Variants in OR8D1 observed in about 807,000 individuals in gnomAD.
The protein encoded by OR8D1 is olfactory receptor 8D1.
For missense variants in OR8D1, 384 were observed against 366.8 expected, an observed-to-expected ratio of 1.05 and a Z score of -0.38; for synonymous variants, 143 against 147.0, an observed-to-expected ratio of 0.97 and a Z score of 0.20.
At position 124,305,573 on chromosome 11, in the gene OR8D1, T is replaced by A. The variant is rs1413194788; in HGVS notation, c.*4267A>T. 1 of 151,566 alleles carries A rather than the reference T, an allele frequency of 6.6e-6. No homozygotes were observed. Among genetic ancestry groups the A allele is most frequent in the Non-Finnish European group, 1.5e-5 (1 of 67,804 alleles). 9.4% of individuals were successfully genotyped at this position (151,566 alleles called of 1,614,324 possible). On this transcript the variant is annotated 3_prime_UTR_variant, in exon 3 of 3. Transcript: ENST00000641015. ...AAAAGCAAAAGGGGGCCTCCAGGAG[T>A]GATGCTAATATTCTATATCTTTACC...
chr11:124,310,473 C>T lies in OR8D1; in HGVS notation c.294G>A (p.Met98Ile). ...KKNTILYSEC[M>I]VQLFFFVVFV... The stretch of plus-strand genomic sequence containing the variant: ...AGACCACAAAGAAAAAGAGCTGGAC[C>T]ATGCACTCAGAGTAAAGGATTGTAT... Residue 98 changes from methionine (M) to isoleucine (I), a missense_variant, in exon 3 of 3, where the codon ATG (methionine) becomes ATA (isoleucine). Met to Ile is a conservative substitution (Grantham distance 10). Transcript: ENST00000641015. 6.2e-7 allele frequency: 1 copy of T among 1,613,730 alleles called. No individual in the cohort carries two copies. Among genetic ancestry groups the T allele is most frequent in the African/African-American group, 1.3e-5 (1 of 75,030 alleles).
Position 124,308,242 on chromosome 11 carries a change from A to G in OR8D1, c.*1598T>C, listed in dbSNP as rs181217418. 1 of 152,226 alleles carries G rather than the reference A, an allele frequency of 6.6e-6. No homozygotes were observed. Among genetic ancestry groups the G allele is most frequent in the Admixed American group, 6.6e-5 (1 of 15,258 alleles). 9.4% of individuals were successfully genotyped at this position (152,226 alleles called of 1,614,324 possible). On this transcript the variant is annotated 3_prime_UTR_variant, in exon 3 of 3. Transcript: ENST00000641015. ...AGAGAAGAGGACAGGTTAGAAAACT[A>G]TGTGGCACCAAATGATAATTTGAAG...
chr11:124,310,530 G>T lies in OR8D1; in HGVS notation c.237C>A (p.Pro79=). Reference sequence around the variant, plus strand: ...TTCCTAGGAAGTTCACCAGCATTTTGGGAGTAATGACAGAGGAATAGCAGA... The same window carrying T: ...TTCCTAGGAAGTTCACCAGCATTTTTGGAGTAATGACAGAGGAATAGCAGA... The part of the protein sequence containing the change: ...VDFCYSSVIT[P]KMLVNFLGKK... Residue 79 remains proline (P), a synonymous_variant, in exon 3 of 3, where the codon CCC becomes CCA. Transcript: ENST00000641015. 6.2e-7 allele frequency: 1 copy of T among 1,613,746 alleles called. No individual in the cohort carries two copies. The highest frequency in any genetic ancestry group is 8.5e-7 in the Non-Finnish European group (1 of 1,179,830).
At chr11:124,313,566 A>T (rs1400872101) in intron 1 of OR8D1, among the ~76,000 whole-genome samples, 155 bp downstream of exon 1, 1 of 152,176 alleles carries the variant, frequency 6.6e-6, no homozygotes, top group East Asian at 1.9e-4. Context: ...TCAATAGAAG[A>T]GGAGAAGGGA....
rs1862377289 is a variant in OR8D1 at position 124,307,320 on chromosome 11, A to G, written c.*2520T>C. 1 of 151,166 alleles carries G rather than the reference A, an allele frequency of 6.6e-6. No homozygotes were observed. Among genetic ancestry groups the G allele is most frequent in the Admixed American group, 6.8e-5 (1 of 14,664 alleles). 9.4% of individuals were successfully genotyped at this position (151,166 alleles called of 1,614,324 possible). ...TTATGTGTAACTTTTAACTGTAGTGATCCCAGCAGGCAGCTGTGGTTCCTG... is the reference window on the plus strand; with the variant it reads ...TTATGTGTAACTTTTAACTGTAGTGGTCCCAGCAGGCAGCTGTGGTTCCTG... On this transcript the variant is annotated 3_prime_UTR_variant, in exon 3 of 3. Coordinates refer to ENST00000641015, the MANE Select transcript of OR8D1 (RefSeq NM_001002917.2).
rs1862407071 is a variant in OR8D1 at position 124,310,184 on chromosome 11, T to C, written c.583A>G (p.Asn195Asp). Residue 195 changes from asparagine to aspartate, a missense_variant, in exon 3 of 3, where the codon AAT (asparagine) becomes GAT (aspartate). By Grantham distance (23) the Asn-to-Asp change is conservative (BLOSUM62 1). Transcript: ENST00000641015. ...LNLSCSNTHL[N>D]ELLLFIIAGF... is the part of the protein sequence containing the mutation. ...GCAATGATAAAAAGTAGAAGCTCAT[T>C]GAGGTGTGTGTTGGAGCAGGAGAGA... The C allele has an allele frequency of 6.2e-7, 1 of 1,613,474 alleles. No individual in the cohort carries two copies. Among genetic ancestry groups the C allele is most frequent in the Non-Finnish European group, 8.5e-7 (1 of 1,179,846 alleles).
intron 2 of OR8D1, 85 bp from the exon 3 acceptor site, chr11:124,310,867 C>T: frequency 1.3e-6 from 1 of 757,342 alleles, no homozygotes; most frequent in Non-Finnish European, 2.1e-6. Flanking sequence ...GGGAGGTTGA[C>T]AGCAGCTAAC....
In OR8D1 at chr11:124,307,070, T is replaced by C. The variant is rs1036671033; in HGVS notation, c.*2770A>G. 7 of 152,078 alleles carry C rather than the reference T, an allele frequency of 4.6e-5. No individual in the cohort carries two copies. The highest frequency in any genetic ancestry group is 2.9e-5 in the Non-Finnish European group (2 of 67,996). 9.4% of individuals were successfully genotyped at this position (152,078 alleles called of 1,614,324 possible). On this transcript the variant is annotated 3_prime_UTR_variant, in exon 3 of 3. Coordinates refer to ENST00000641015, the MANE Select transcript of OR8D1 (RefSeq NM_001002917.2). ...TTCTATGGTTCAAGTGGCAATTTTG[T>C]CTAATGCTAGAGCTTGGTATTAAGA...
chr11:124,307,410 G>A lies in OR8D1; in HGVS notation c.*2430C>T, dbSNP rs1485502623. The A allele has an allele frequency of 6.6e-6, 1 of 152,114 alleles. No homozygotes were observed. The highest frequency in any genetic ancestry group is 1.5e-5 in the Non-Finnish European group (1 of 68,022). The allele number at this position is 152,114 out of a possible 1,614,324, so 9.4% of individuals were successfully genotyped here. ...ATACAGAAGAGTTGTTTACAAATAA[G>A]TGAATAACTTTAGAAGAGCACAGAT... On this transcript the variant is annotated 3_prime_UTR_variant, in exon 3 of 3. Transcript: ENST00000641015.
Position 124,309,888 on chromosome 11 carries a change from C to A in OR8D1, c.879G>T (p.Arg293Ser). Residue 293 changes from arginine (R) to serine (S), a missense_variant, in exon 3 of 3, where the codon AGG becomes AGT. Transcript: ENST00000641015. The part of the protein sequence containing the change: ...PMLNPLIYSL[R>S]NKDVKKALRK... Reference sequence around the variant, plus strand: ...TTAATGCTTTCTTCACATCCTTATTCCTCAGACTGTATATTAAAGGGTTCA... The same window carrying A: ...TTAATGCTTTCTTCACATCCTTATTACTCAGACTGTATATTAAAGGGTTCA... 1 of 1,502,678 alleles carries A rather than the reference C, an allele frequency of 6.7e-7. No individual in the cohort carries two copies. The allele number at this position is 1,502,678 out of a possible 1,614,324, so 93.1% of individuals were successfully genotyped here.
In OR8D1 at chr11:124,310,169, A is replaced by T; in HGVS notation, c.598T>A (p.Phe200Ile). The part of the protein sequence containing the change: ...SNTHLNELLL[F>I]IIAGFNTLVP... ...AAGGTGTTAAACCCCGCAATGATAAAAAGTAGAAGCTCATTGAGGTGTGTG... is the reference window on the plus strand; with the variant it reads ...AAGGTGTTAAACCCCGCAATGATAATAAGTAGAAGCTCATTGAGGTGTGTG... The change falls in exon 3 of 3, where the codon TTT (phenylalanine) becomes ATT (isoleucine). Residue 200 changes from phenylalanine (F) to isoleucine (I), a missense_variant. Transcript: ENST00000641015. 6.2e-7 allele frequency: 1 copy of T among 1,613,714 alleles called. No individual in the cohort carries two copies. Among genetic ancestry groups the T allele is most frequent in the Non-Finnish European group, 8.5e-7 (1 of 1,179,884 alleles).
Position 124,310,269 on chromosome 11 carries a change from C to T in OR8D1, c.498G>A (p.Leu166=). The part of the protein sequence containing the change: ...ALTHTSAMMK[L]SFCKSHIINH... ...TGATAATGTGGGATTTGCAAAAGGA[C>T]AGTTTCATCATGGCACTTGTATGAG... The change falls in exon 3 of 3, where the codon CTG becomes CTA. Residue 166 remains leucine (L), a synonymous_variant. Transcript: ENST00000641015. 6.2e-7 allele frequency: 1 copy of T among 1,613,812 alleles called. No individual in the cohort carries two copies. The highest frequency in any genetic ancestry group is 8.5e-7 in the Non-Finnish European group (1 of 1,179,918).
rs1363649243 is a variant in OR8D1 at position 124,310,014 on chromosome 11, G to A, written c.753C>T (p.Phe251=). Residue 251 remains phenylalanine, a synonymous_variant, in exon 3 of 3, where the codon TTC becomes TTT. Coordinates refer to ENST00000641015, the MANE Select transcript of OR8D1 (RefSeq NM_001002917.2). ...AATACATGAAGGTAATGGACCCAAA[G>A]AAGATCACCACAGCCATGAGATGAG... The part of the protein sequence containing the change: ...CSSHLMAVVI[F]FGSITFMYFK... 2 of 1,602,414 alleles carry A rather than the reference G, an allele frequency of 1.2e-6. No individual in the cohort carries two copies. Among genetic ancestry groups the A allele is most frequent in the Non-Finnish European group, 1.7e-6 (2 of 1,174,314 alleles).
At chr11:124,313,405 T>C (rs901468213) in intron 1 of OR8D1, among the ~76,000 whole-genome samples, 1 of 151,994 alleles carries the variant, frequency 6.6e-6, no homozygotes, top group African/African-American at 2.4e-5. Flanking sequence ...AGAAGACAAG[T>C]AACACTAATA....
chr11:124,313,233 AGAAG>A lies in OR8D1; in HGVS notation c.-122+484_-122+487del, dbSNP rs199759798. On this transcript the variant is annotated intron_variant, in intron 1 of 2. Transcript: ENST00000641015. ...AGAAAGAAAAGAAAGAAGGAAAGAA[AGAAG>A]GAGGGAGGGAGGGAAGGAAGGAGGG... 8.8e-3 allele frequency among the ~76,000 whole-genome samples: 1,317 copies of A among 149,786 alleles called. 25 individuals carry two copies. The highest frequency in any genetic ancestry group is 0.03 in the African/African-American group (1,226 of 40,614).
Position 124,307,500 on chromosome 11 carries a change from G to A in OR8D1, c.*2340C>T, listed in dbSNP as rs1399483207. 6.6e-6 allele frequency: 1 copy of A among 152,122 alleles called. No individual in the cohort carries two copies. The highest frequency in any genetic ancestry group is 1.5e-5 in the Non-Finnish European group (1 of 68,036). 9.4% of individuals were successfully genotyped at this position (152,122 alleles called of 1,614,324 possible). ...AGCAAAAGGCAAATGCCTCAGGAAA[G>A]GCTGTCTTCTGAAAAATGTGAGCAA... On this transcript the variant is annotated 3_prime_UTR_variant, in exon 3 of 3. Transcript: ENST00000641015.
intron 2 of OR8D1, among the ~76,000 whole-genome samples, chr11:124,311,115 T>G (rs519158): frequency 0.27 from 41,607 of 152,012 alleles, 5,800 homozygotes; most frequent in South Asian, 0.39. Context: ...TGAAGGAAGA[T>G]TCAATCACTT....
rs1004528022 is a variant in OR8D1, at chr11:124,305,511, A to G, written c.*4329T>C. 1.3e-5 allele frequency: 2 copies of G among 151,848 alleles called. No homozygotes were observed. Among genetic ancestry groups the G allele is most frequent in the African/African-American group, 4.8e-5 (2 of 41,396 alleles). 9.4% of individuals were successfully genotyped at this position (151,848 alleles called of 1,614,324 possible). A position where few individuals can be genotyped will look rare whatever the true frequency, so the allele number is the denominator to read the frequency against. ...AAAATGACCAATTGTACAAGTCAATATAGTGGGTACTTCTTGAAGATGGGT... is the reference window on the plus strand; with the variant it reads ...AAAATGACCAATTGTACAAGTCAATGTAGTGGGTACTTCTTGAAGATGGGT... On this transcript the variant is annotated 3_prime_UTR_variant, in exon 3 of 3. Coordinates refer to ENST00000641015, the MANE Select transcript of OR8D1 (RefSeq NM_001002917.2).
chr11:124,310,479 C>T lies in OR8D1; in HGVS notation c.288G>A (p.Glu96=). ...CAAAGAAAAAGAGCTGGACCATGCACTCAGAGTAAAGGATTGTATTCTTCT... is the reference window on the plus strand; with the variant it reads ...CAAAGAAAAAGAGCTGGACCATGCATTCAGAGTAAAGGATTGTATTCTTCT... The part of the protein sequence containing the change: ...LGKKNTILYS[E]CMVQLFFFVV... The change falls in exon 3 of 3, where the codon GAG becomes GAA. Residue 96 remains glutamate, a synonymous_variant. Coordinates refer to ENST00000641015, the MANE Select transcript of OR8D1 (RefSeq NM_001002917.2). The T allele has an allele frequency of 6.2e-7, 1 of 1,613,760 alleles. No individual in the cohort carries two copies. Among genetic ancestry groups the T allele is most frequent in the East Asian group, 2.2e-5 (1 of 44,722 alleles).
Sources: gnomAD v4.1 joint callset for allele counts (sites outside exome capture counted in the v4.1 genomes callset) on GRCh38, gnomAD v4.1.1 for gene constraint, MANE v1.5 for transcripts, NCBI Gene and HGNC (gene_info 2026-07-23, HGNC 2026-07-21) for gene names.